Variants in LVRN observed in about 807,000 individuals in gnomAD.
LVRN encodes the protein laeverin, also known as aminopeptidase Q.
A neutral mutation model predicts 111.4 loss-of-function variants in LVRN; 99 were observed. The ratio of observed to expected loss-of-function variants is 0.89; its 90% CI spans 0.76 to 1.05. The LOEUF (loss-of-function observed/expected upper bound fraction) is 1.05. LVRN is among the 50% of genes least tolerant of loss of function. The probability of loss-of-function intolerance (pLI) is 0.00; values close to 1 mark genes in which losing one functional copy is unlikely to be tolerated. For missense variants in LVRN, 1,414 were observed against 1,206.8 expected (o/e 1.17, Z -2.54); for synonymous variants, 488 against 449.5 (o/e 1.09, Z -1.08).
At chr5:115,967,061 T>G (rs1753218742) in intron 1 of LVRN, among the ~76,000 whole-genome samples, 1 of 152,236 alleles carries the variant, frequency 6.6e-6, no homozygotes, top group African/African-American at 2.4e-5. Flanking sequence ...ATATATATGG[T>G]TTGCAAATAT....
chr5:116,015,527 G>C, intron 17 of LVRN, 101 bp from the exon 18 acceptor site: 1 of 1,476,588 alleles, frequency 6.8e-7, no homozygotes, highest in Non-Finnish European at 9.0e-7. Context: ...GCGTATTTGT[G>C]CTTCACTACC....
intron 19 of LVRN, among the ~76,000 whole-genome samples, chr5:116,024,060 T>G (rs1423446857): frequency 6.6e-6 from 1 of 152,164 alleles, no homozygotes; most frequent in African/African-American, 2.4e-5. Context: ...GGATCTATAG[T>G]GACAAAGGGC....
rs1748885650 is a variant in LVRN at position 116,027,236 on chromosome 5, T to C, written c.*1118T>C. On this transcript the variant is annotated 3_prime_UTR_variant, in exon 20 of 20. Coordinates refer to ENST00000357872, the MANE Select transcript of LVRN (RefSeq NM_173800.5). ...TATATGATTTAATCTTTTATTTTTA[T>C]TTTTGTAGAATGGGGGTAAAACTAC... 2 of 152,224 alleles carry C rather than the reference T, an allele frequency of 1.3e-5. No homozygotes were observed. The highest frequency in any genetic ancestry group is 2.4e-5 in the African/African-American group (1 of 41,464). The allele number at this position is 152,224 out of a possible 1,614,324, so 9.4% of individuals were successfully genotyped here. A position where few individuals can be genotyped will look rare whatever the true frequency, so the allele number is the denominator to read the frequency against.
intron 1 of LVRN, among the ~76,000 whole-genome samples, chr5:115,965,433 T>A (rs1753181615): frequency 6.6e-6 from 1 of 152,220 alleles, no homozygotes; most frequent in Non-Finnish European, 1.5e-5. Flanking sequence ...AGTGGTAAAC[T>A]TTATGTTATG....
intron 1 of LVRN, among the ~76,000 whole-genome samples, chr5:115,973,019 C>T (rs2112556782): frequency 6.6e-6 from 1 of 152,032 alleles, no homozygotes; most frequent in East Asian, 1.9e-4. Context: ...GCCTTGACTT[C>T]CAGGGCTCAG....
At chr5:115,981,555 C>T (rs1339618383) in intron 1 of LVRN, among the ~76,000 whole-genome samples, 1 of 152,104 alleles carries the variant, frequency 6.6e-6, no homozygotes, top group African/African-American at 2.4e-5. Context: ...GGGTATCCAT[C>T]CCCTCAAGCA....
chr5:116,014,887 C>G (rs1748567537), intron 16 of LVRN, among the ~76,000 whole-genome samples: 1 of 152,138 alleles, frequency 6.6e-6, no homozygotes, highest in Admixed American at 6.5e-5. Flanking sequence ...CTCTCCATCT[C>G]TCTCTTAGTT....
Position 115,962,955 on chromosome 5 carries a change from C to G in LVRN, c.338C>G (p.Pro113Arg). 1 of 1,613,178 alleles carries G rather than the reference C, an allele frequency of 6.2e-7. No homozygotes were observed. The highest frequency in any genetic ancestry group is 2.2e-5 in the East Asian group (1 of 44,860). Reference protein sequence around the residue: ...VPLHYDLELWPQLRPDELPAG... With the variant: ...VPLHYDLELWRQLRPDELPAG... ...CTGCACTACGATCTGGAGCTGTGGC[C>G]GCAGCTGAGGCCCGACGAGCTTCCG... The change falls in exon 1 of 20, where the codon CCG (proline) becomes CGG (arginine). Residue 113 changes from proline to arginine, a missense_variant. Coordinates refer to ENST00000357872, the MANE Select transcript of LVRN (RefSeq NM_173800.5).
At position 116,003,242 on chromosome 5, in the gene LVRN, A is replaced by G. The variant is rs768696366; in HGVS notation, c.1899A>G (p.Lys633=). 24 of 1,577,078 alleles carry G rather than the reference A, an allele frequency of 1.5e-5. No homozygotes were observed. The highest frequency in any genetic ancestry group is 2.6e-6 in the Non-Finnish European group (3 of 1,161,646). The change falls in exon 12 of 20, where the codon AAA becomes AAG. Residue 633 remains lysine (K), a splice_region_variant and synonymous_variant. Coordinates refer to ENST00000357872, the MANE Select transcript of LVRN (RefSeq NM_173800.5). ...AATTATTCCCATATTCCTTTATAGA[A>G]GTATTCCCAGAAATGCAAGTTTCAG... ...QPLVWLDQSS[K]VFPEMQVSDS...
chr5:116,014,211 T>C (rs1407072137), intron 15 of LVRN, among the ~76,000 whole-genome samples: 1 of 152,202 alleles, frequency 6.6e-6, no homozygotes, highest in East Asian at 1.9e-4. Flanking sequence ...TTAGGAGCTC[T>C]TTTTGGTGCC....
At position 115,993,873 on chromosome 5, in the gene LVRN, T is replaced by C; in HGVS notation, c.1374+19T>C. 2 of 1,422,974 alleles carry C rather than the reference T, an allele frequency of 1.4e-6. No homozygotes were observed. The highest frequency in any genetic ancestry group is 1.9e-6 in the Non-Finnish European group (2 of 1,039,080). The allele number at this position is 1,422,974 out of a possible 1,614,324, so 88.1% of individuals were successfully genotyped here. On this transcript the variant is annotated intron_variant, in intron 6 of 19. Transcript: ENST00000357872. ...CCCAAGAGTAAGTATGTTTACTAAG[T>C]TTATTTAACATTTTTCTCCTAATTA...
intron 1 of LVRN, chr5:115,975,135 G>A (rs1364025105): frequency 2.3e-6 from 1 of 426,188 alleles, no homozygotes; most frequent in Admixed American, 2.7e-5. Context: ...AAATAAGATT[G>A]TATGAGTCAA....
intron 5 of LVRN, 30 bp downstream of exon 5, chr5:115,992,307 C>G (rs763004476): frequency 6.2e-7 from 1 of 1,612,318 alleles, no homozygotes; most frequent in South Asian, 1.1e-5. Context: ...TTTTATTTCA[C>G]TTGAAGTTAT....
chr5:116,015,245 T>C lies in LVRN; in HGVS notation c.2451-7T>C. The C allele has an allele frequency of 9.6e-6, 15 of 1,563,728 alleles. No homozygotes were observed. Among genetic ancestry groups the C allele is most frequent in the African/African-American group, 1.4e-5 (1 of 72,432 alleles). On this transcript the variant is annotated splice_polypyrimidine_tract_variant and splice_region_variant and intron_variant, in intron 16 of 19. Transcript: ENST00000357872. ...TGAAAAATATCATTTTATGTTATATTTTACAGAATACCTTATCCAATTAAA... is the reference window on the plus strand; with the variant it reads ...TGAAAAATATCATTTTATGTTATATCTTACAGAATACCTTATCCAATTAAA...
intron 13 of LVRN, among the ~76,000 whole-genome samples, chr5:116,007,031 C>A (rs1015437371): frequency 3.3e-5 from 5 of 152,190 alleles, no homozygotes; most frequent in African/African-American, 1.2e-4. Context: ...CAAGTCCTAT[C>A]TCTTCATTCT....
intron 12 of LVRN, chr5:116,005,667 G>A: frequency 5.7e-6 from 3 of 527,254 alleles, no homozygotes; most frequent in South Asian, 3.6e-5. Flanking sequence ...GAGTATTTTG[G>A]CAAAACTTTC....
chr5:115,983,164 G>T (rs932410877), intron 1 of LVRN, 123 bp from the exon 2 acceptor site: 5 of 1,072,942 alleles, frequency 4.7e-6, no homozygotes, highest in Non-Finnish European at 6.6e-6. Flanking sequence ...GGGCAGTGAG[G>T]AAGATGAGAG....
chr5:115,984,109 G>C (rs181659074), intron 2 of LVRN, among the ~76,000 whole-genome samples: 16 of 152,270 alleles, frequency 1.1e-4, no homozygotes, highest in Non-Finnish European at 2.9e-5. Flanking sequence ...CCTGGCCCTT[G>C]TAGGCATTTG....
intron 6 of LVRN, among the ~76,000 whole-genome samples, chr5:115,994,871 T>G (rs1748071797): frequency 6.6e-6 from 1 of 152,218 alleles, no homozygotes; most frequent in African/African-American, 2.4e-5. Context: ...GATATAAACC[T>G]TACTTCTGTT....
Sources: allele counts gnomAD v4.1 joint callset (sites outside exome capture counted in the v4.1 genomes callset), GRCh38; gene constraint gnomAD v4.1.1; transcripts MANE v1.5; gene names NCBI Gene and HGNC (gene_info 2026-07-23, HGNC 2026-07-21).